The following GNAO1 variants were observed in gnomAD, a reference collection of about 807,000 sequenced individuals.
GNAO1 encodes G protein subunit alpha o1, also known as guanine nucleotide-binding protein G(o) subunit alpha.
For missense variants in GNAO1, 166 were observed against 478.7 expected (o/e 0.35, Z 6.10); for synonymous variants, 164 against 180.7 (o/e 0.91, Z 0.74).
rs1567478754 is a variant in GNAO1, at chr16:56,311,203, AG to A, written c.304-17423del. Reference sequence around the variant, plus strand: ...TGGAGATGGGGGAGAGAGGCATGGAAGGGGGTAAGAGGAGTGACAGGGATGA... The same window carrying A: ...TGGAGATGGGGGAGAGAGGCATGGAAGGGGTAAGAGGAGTGACAGGGATGA... On this transcript the variant is annotated intron_variant, in intron 3 of 8. Transcript: ENST00000262493. This position sits in a 1 kb window ranked among gnomAD's most constrained non-coding sequence, Gnocchi z 5.2. Among the ~76,000 whole-genome samples, 1 of 147,074 alleles carries A rather than the reference AG, an allele frequency of 6.8e-6. No individual in the cohort carries two copies. Among genetic ancestry groups the A allele is most frequent in the African/African-American group, 2.5e-5 (1 of 39,966 alleles).
Position 56,328,849 on chromosome 16 carries a change from G to C in GNAO1, c.464+58G>C. The C allele has an allele frequency of 7.1e-6, 11 of 1,551,730 alleles. No homozygotes were observed. The South Asian group carries it at 1.2e-4, about 18-fold the overall frequency. On this transcript the variant is annotated intron_variant, in intron 4 of 8. Coordinates refer to ENST00000262493, the MANE Select transcript of GNAO1 (RefSeq NM_020988.3). ...CGGGCAGTGATGCGGGAGTGGAAGGGACTGGTGATGGGGATTGGCAGAGCA... is the reference window on the plus strand; with the variant it reads ...CGGGCAGTGATGCGGGAGTGGAAGGCACTGGTGATGGGGATTGGCAGAGCA...
intron 3 of GNAO1, among the ~76,000 whole-genome samples, chr16:56,322,122 C>A (rs1108659): frequency 5.3e-5 from 8 of 152,016 alleles, no homozygotes; most frequent in African/African-American, 1.5e-4. Flanking sequence ...AACCCCCTTC[C>A]TGAGAGCTCC....
At chr16:56,254,018 C>T (rs1302661972) in intron 2 of GNAO1, among the ~76,000 whole-genome samples, 1 of 148,712 alleles carries the variant, frequency 6.7e-6, no homozygotes, top group Non-Finnish European at 1.5e-5. Flanking sequence ...TATGCCCTTC[C>T]ATAAAATTTT....
intron 2 of GNAO1, among the ~76,000 whole-genome samples, chr16:56,252,998 T>C (rs1173828008): frequency 6.6e-6 from 1 of 152,224 alleles, no homozygotes; most frequent in African/African-American, 2.4e-5. Context: ...GCACTCACAT[T>C]GCTTGCCTTC....
At chr16:56,321,407 A>AG (rs1419284706) in intron 3 of GNAO1, among the ~76,000 whole-genome samples, 6 of 152,144 alleles carry the variant, frequency 3.9e-5, no homozygotes, top group Admixed American at 3.9e-4. Flanking sequence ...GCACACTCAG[A>AG]GGGGGCCTCC....
At chr16:56,340,939 G>A (rs754298120) in intron 6 of GNAO1, 1 of 1,613,914 alleles carries the variant, frequency 6.2e-7, no homozygotes, top group African/African-American at 1.3e-5. Context: ...CATATTTGAA[G>A]AGAAGATCAA....
chr16:56,307,874 G>A (rs1489221360), intron 3 of GNAO1: 1 of 152,300 alleles, frequency 6.6e-6, no homozygotes, highest in Admixed American at 6.5e-5. Context: ...GGAGCTGGTG[G>A]GCAAGGGACC....
Position 56,351,310 on chromosome 16 carries a change from C to A in GNAO1, c.724-74C>A. 2 of 1,069,784 alleles carry A rather than the reference C, an allele frequency of 1.9e-6. No homozygotes were observed. Among genetic ancestry groups the A allele is most frequent in the Non-Finnish European group, 2.8e-6 (2 of 712,554 alleles). The allele number at this position is 1,069,784 out of a possible 1,614,324, so 66.3% of individuals were successfully genotyped here. On this transcript the variant is annotated intron_variant, in intron 6 of 8. Coordinates refer to ENST00000262493, the MANE Select transcript of GNAO1 (RefSeq NM_020988.3). The surrounding 1 kb of genome is among the most constrained non-coding windows in gnomAD (Gnocchi z 6.1). ...CAGTCCCTCTCTGTCAAGCCTAATT[C>A]TCTCCTTCTCTTTCCCTGTCTCTGT... is the stretch of plus-strand genomic sequence containing the variant.
intron 2 of GNAO1, among the ~76,000 whole-genome samples, chr16:56,258,941 C>T (rs1249189208): frequency 1.3e-5 from 2 of 152,214 alleles, no homozygotes; most frequent in Non-Finnish European, 2.9e-5. Flanking sequence ...ACAGATGTCC[C>T]AGTCAAGGCC....
At chr16:56,346,902 A>T in intron 6 of GNAO1, 2 of 985,372 alleles carry the variant, frequency 2.0e-6, no homozygotes. Flanking sequence ...GGATGGTCTC[A>T]CCCATGCCCT....
intron 2 of GNAO1, among the ~76,000 whole-genome samples, chr16:56,249,547 G>C (rs2036780736): frequency 6.6e-6 from 1 of 152,156 alleles, no homozygotes; most frequent in Non-Finnish European, 1.5e-5. Flanking sequence ...AGAGGAGCTG[G>C]AACAGAGCTT....
In GNAO1 at chr16:56,208,567, A is replaced by C. The variant is rs186177414; in HGVS notation, c.161+15951A>C. Among the ~76,000 whole-genome samples the C allele has an allele frequency of 1.2e-3, 186 of 152,298 alleles. No individual in the cohort carries two copies. The East Asian group carries it at 0.022, about 18-fold the overall frequency. ...TTAGATAATATACAGTGTTTTCCGA[A>C]GTGGTAATTCCATCTTTATATTCAC... On this transcript the variant is annotated intron_variant, in intron 2 of 8. Coordinates refer to ENST00000262493, the MANE Select transcript of GNAO1 (RefSeq NM_020988.3).
chr16:56,275,135 T>C lies in GNAO1; in HGVS notation c.162-796T>C, dbSNP rs781507681. ...ACATAGTTCATTGAGGGAGGACAAA[T>C]GTAGGATGTTAATCTTAAAATTCAT... On this transcript the variant is annotated intron_variant, in intron 2 of 8. Coordinates refer to ENST00000262493, the MANE Select transcript of GNAO1 (RefSeq NM_020988.3). Among the ~76,000 whole-genome samples the C allele has an allele frequency of 5.8e-4, 88 of 152,214 alleles. 1 individual carries two copies. Among genetic ancestry groups the C allele is most frequent in the Non-Finnish European group, 1.0e-3 (70 of 68,034 alleles).
chr16:56,257,310 T>C (rs1226621862), intron 2 of GNAO1, among the ~76,000 whole-genome samples: 1 of 152,234 alleles, frequency 6.6e-6, no homozygotes, highest in African/African-American at 2.4e-5. Context: ...ATTGGATTCC[T>C]TCCCCTTTGC....
chr16:56,321,103 A>G lies in GNAO1; in HGVS notation c.304-7528A>G, dbSNP rs150520699. Among the ~76,000 whole-genome samples the G allele has an allele frequency of 5.1e-4, 78 of 152,184 alleles. 1 individual carries two copies. The highest frequency in any genetic ancestry group is 1.7e-3 in the African/African-American group (71 of 41,528). On this transcript the variant is annotated intron_variant, in intron 3 of 8. Transcript: ENST00000262493. ...AGAGGAGCGGGCTCAGAAGCCAGGA[A>G]AGCCAGTGGCGCTGCAGGAATGGGA... is the stretch of plus-strand genomic sequence containing the variant.
intron 4 of GNAO1, among the ~76,000 whole-genome samples, chr16:56,334,207 G>A (rs1038877309): frequency 6.6e-6 from 1 of 152,228 alleles, no homozygotes; most frequent in East Asian, 1.9e-4. Flanking sequence ...AGGAAGTGTG[G>A]AGAAGGCAGG....
At chr16:56,238,494 A>G (rs1161647288) in intron 2 of GNAO1, among the ~76,000 whole-genome samples, 1 of 152,134 alleles carries the variant, frequency 6.6e-6, no homozygotes, top group Non-Finnish European at 1.5e-5. Context: ...CACCTTGTTG[A>G]CTTTCTTTTT....
Position 56,191,761 on chromosome 16 carries a change from GCCGCCTCCT to G in GNAO1, c.-472_-464del. The G allele has an allele frequency of 4.8e-6, 1 of 210,282 alleles. No individual in the cohort carries two copies. The highest frequency in any genetic ancestry group is 7.3e-5 in the South Asian group (1 of 13,754). 13.0% of individuals were successfully genotyped at this position (210,282 alleles called of 1,614,324 possible). A position where few individuals can be genotyped will look rare whatever the true frequency, so the allele number is the denominator to read the frequency against. On this transcript the variant is annotated 5_prime_UTR_variant, in exon 1 of 9. Coordinates refer to ENST00000262493, the MANE Select transcript of GNAO1 (RefSeq NM_020988.3). The surrounding 1 kb of genome is among the most constrained non-coding windows in gnomAD (Gnocchi z 4.7). ...TCCCTCCACATCCCGCGCCGCCGCC[GCCGCCTCCT>G]CCACCTCCTCCTCCGCCGCCGCCGC...
At chr16:56,348,197 C>T in intron 6 of GNAO1, 1 of 984,780 alleles carries the variant, frequency 1.0e-6, no homozygotes, top group Non-Finnish European at 1.2e-6. Context: ...GCCCGCTTTC[C>T]TAGCGTGAGT....
Sources: gnomAD v4.1 joint callset for allele counts (sites outside exome capture counted in the v4.1 genomes callset) on GRCh38, gnomAD v4.1.1 for gene constraint, Gnocchi (gnomAD v3.1) non-coding constraint, MANE v1.5 for transcripts, NCBI Gene and HGNC (gene_info 2026-07-23, HGNC 2026-07-21) for gene names.